Variants in MCPH1 observed in about 807,000 individuals in gnomAD.
The protein encoded by MCPH1 is microcephalin.
A neutral mutation model predicts 84.5 loss-of-function variants in MCPH1; 104 were observed. The ratio of observed to expected loss-of-function variants is 1.23; its 90% CI spans 1.05 to 1.45. The LOEUF (loss-of-function observed/expected upper bound fraction) is 1.45. Among genes scored for constraint, MCPH1 ranks in the 40% most tolerant of loss-of-function variants. The pLI is 0.00. For synonymous variants in MCPH1, 514 were observed against 366.8 expected (o/e 1.40, Z -4.58); for missense variants, 1,498 against 1,005.7 (o/e 1.49, Z -6.62).
At chr8:6,413,908 C>T (rs1798886670) in intron 2 of MCPH1, among the ~76,000 whole-genome samples, 1 of 152,076 alleles carries the variant, frequency 6.6e-6, no homozygotes, top group Non-Finnish European at 1.5e-5. Flanking sequence ...GCACGAACCT[C>T]CACGCTTGGC....
intron 12 of MCPH1, among the ~76,000 whole-genome samples, chr8:6,611,206 C>T (rs536894019): frequency 6.6e-6 from 1 of 152,232 alleles, no homozygotes; most frequent in East Asian, 1.9e-4. Flanking sequence ...AACAATTCTG[C>T]AGTTCACTGC....
intron 12 of MCPH1, among the ~76,000 whole-genome samples, chr8:6,510,482 G>T (rs1246535989): frequency 5.9e-5 from 9 of 152,224 alleles, no homozygotes; most frequent in Admixed American, 5.9e-4. Context: ...AGAATACAAA[G>T]AAGAGAGAAA....
intron 12 of MCPH1, among the ~76,000 whole-genome samples, chr8:6,541,227 C>T (rs769115566): frequency 1.3e-5 from 2 of 152,148 alleles, no homozygotes; most frequent in African/African-American, 4.8e-5. Flanking sequence ...CCTGACACAG[C>T]AGGGGATGCT....
At chr8:6,542,636 T>G (rs1369558670) in intron 12 of MCPH1, among the ~76,000 whole-genome samples, 1 of 152,132 alleles carries the variant, frequency 6.6e-6, no homozygotes, top group Non-Finnish European at 1.5e-5. Flanking sequence ...GCATTAACAT[T>G]CTTACTTTTT....
intron 11 of MCPH1, among the ~76,000 whole-genome samples, chr8:6,482,455 AT>A (rs1390412083): frequency 6.6e-6 from 1 of 152,222 alleles, no homozygotes; most frequent in East Asian, 1.9e-4. Flanking sequence ...TAACTCTAGC[AT>A]CAGTGAATGA....
At chr8:6,439,477 C>G (rs1350214627) in intron 6 of MCPH1, among the ~76,000 whole-genome samples, 1 of 151,058 alleles carries the variant, frequency 6.6e-6, no homozygotes, top group African/African-American at 2.4e-5. Flanking sequence ...TGCAACCTCC[C>G]TAGTTCAAGT....
intron 9 of MCPH1, among the ~76,000 whole-genome samples, chr8:6,458,529 A>G (rs997603857): frequency 6.6e-6 from 1 of 151,570 alleles, no homozygotes; most frequent in African/African-American, 2.4e-5. Flanking sequence ...AGGTTGAGTG[A>G]GTGTTTTAGG....
chr8:6,638,526 T>C (rs1287273466), intron 13 of MCPH1, among the ~76,000 whole-genome samples: 8 of 151,924 alleles, frequency 5.3e-5, no homozygotes, highest in African/African-American at 1.9e-4. Context: ...TAGTAAACTT[T>C]AGCTTGTGCG....
chr8:6,626,219 G>A (rs987263558), intron 13 of MCPH1: 1 of 985,402 alleles, frequency 1.0e-6, no homozygotes, highest in Non-Finnish European at 1.2e-6. Flanking sequence ...GCATAGAACA[G>A]GGAGTGGAGG....
At chr8:6,537,251 C>T (rs748308618) in intron 12 of MCPH1, among the ~76,000 whole-genome samples, 1 of 152,064 alleles carries the variant, frequency 6.6e-6, no homozygotes, top group Non-Finnish European at 1.5e-5. Flanking sequence ...TGTAGGCACA[C>T]GTGTCTGAAT....
At chr8:6,536,411 C>CA (rs60726847) in intron 12 of MCPH1, among the ~76,000 whole-genome samples, 106,413 of 151,894 alleles carry the variant, frequency 0.7, 37,435 homozygotes, top group Non-Finnish European at 0.73. Flanking sequence ...TTTTAAGAGC[C>CA]AAAGTGATAT....
At chr8:6,533,001 T>C (rs1401360753) in intron 12 of MCPH1, among the ~76,000 whole-genome samples, 1 of 152,264 alleles carries the variant, frequency 6.6e-6, no homozygotes, top group African/African-American at 2.4e-5. Flanking sequence ...TGATTTTCCT[T>C]TTAACCTACG....
At chr8:6,616,612 C>T (rs1188774119) in intron 12 of MCPH1, 1 of 152,270 alleles carries the variant, frequency 6.6e-6, no homozygotes, top group Non-Finnish European at 1.5e-5. Context: ...ACCCAGGGCT[C>T]CTAGGAGGAG....
intron 12 of MCPH1, chr8:6,616,928 T>A (rs939064584): frequency 2.0e-5 from 3 of 152,300 alleles, no homozygotes; most frequent in African/African-American, 7.2e-5. Context: ...AAAACTCCAT[T>A]TGAGGCCTGC....
At chr8:6,532,722 G>C (rs1819761406) in intron 12 of MCPH1, among the ~76,000 whole-genome samples, 1 of 152,104 alleles carries the variant, frequency 6.6e-6, no homozygotes, top group Non-Finnish European at 1.5e-5. Context: ...AAAGGAGGGA[G>C]ACAAGCTACT....
chr8:6,414,840 C>G lies in MCPH1; in HGVS notation c.190C>G (p.Gln64Glu). 6.2e-7 allele frequency: 1 copy of G among 1,613,678 alleles called. No individual in the cohort carries two copies. ...DGYQSTWDKAQKRGVKLVSVL... is the reference protein window; with the variant it reads ...DGYQSTWDKAEKRGVKLVSVL... ...CTACCAGAGCACTTGGGACAAAGCTCAGAAGAGAGGCGTAAAGCTCGTTTC... is the reference window on the plus strand; with the variant it reads ...CTACCAGAGCACTTGGGACAAAGCTGAGAAGAGAGGCGTAAAGCTCGTTTC... The change falls in exon 3 of 14, where the codon CAG becomes GAG. Residue 64 changes from glutamine to glutamate, a missense_variant. Physicochemically the swap from Gln to Glu is conservative, Grantham distance 29. Transcript: ENST00000344683.
intron 3 of MCPH1, among the ~76,000 whole-genome samples, chr8:6,428,252 C>G (rs956422254): frequency 1.4e-5 from 1 of 71,866 alleles, no homozygotes; most frequent in African/African-American, 3.2e-5. Flanking sequence ...TTAATTTTTA[C>G]TTTTAAACTT....
chr8:6,535,594 A>G (rs1222842837), intron 12 of MCPH1, among the ~76,000 whole-genome samples: 2 of 152,246 alleles, frequency 1.3e-5, no homozygotes, highest in African/African-American at 4.8e-5. Context: ...GCATATATGT[A>G]TATAGTGTCT....
intron 11 of MCPH1, among the ~76,000 whole-genome samples, chr8:6,484,955 T>C (rs1437822907): frequency 6.6e-6 from 1 of 152,180 alleles, no homozygotes; most frequent in Non-Finnish European, 1.5e-5. Context: ...GGTTACAGAA[T>C]CCATGTATTA....
Sources: gnomAD v4.1 joint callset for allele counts (sites outside exome capture counted in the v4.1 genomes callset) on GRCh38, gnomAD v4.1.1 for gene constraint, MANE v1.5 for transcripts, NCBI Gene and HGNC (gene_info 2026-07-23, HGNC 2026-07-21) for gene names.